IQCM: variants seen among roughly 807,000 people sequenced by gnomAD.
IQCM encodes IQ domain-containing protein M.
Under a neutral mutation model 57.6 loss-of-function variants are expected in IQCM, and 45 were observed. That is an observed-to-expected ratio of 0.78 (90% CI 0.62 to 1.00). IQCM has a LOEUF of 1.00. IQCM is among the 50% of genes least tolerant of loss of function. IQCM has a pLI of 0.00. For missense variants in IQCM, 468 were observed against 511.6 expected (o/e 0.91, Z 0.82); for synonymous variants, 148 against 158.9 (o/e 0.93, Z 0.51).
chr4:149,722,333 G>A (rs749876506), intron 5 of IQCM, among the ~76,000 whole-genome samples: 1 of 151,584 alleles, frequency 6.6e-6, no homozygotes, highest in Non-Finnish European at 1.5e-5. Context: ...TTTTTGTTGA[G>A]TTTTCTTTTG....
At chr4:149,368,627 G>T (rs371142195) in intron 13 of IQCM, among the ~76,000 whole-genome samples, 1 of 150,606 alleles carries the variant, frequency 6.6e-6, no homozygotes, top group South Asian at 2.1e-4. Flanking sequence ...CAATTTTAGG[G>T]CTTTGAATTT....
At chr4:149,395,571 G>A (rs1212263935) in intron 13 of IQCM, among the ~76,000 whole-genome samples, 1 of 152,010 alleles carries the variant, frequency 6.6e-6, no homozygotes, top group African/African-American at 2.4e-5. Flanking sequence ...ATCCCAAAGG[G>A]TTATGTGTTG....
At chr4:149,414,131 C>A (rs1413366619) in intron 13 of IQCM, among the ~76,000 whole-genome samples, 2 of 152,072 alleles carry the variant, frequency 1.3e-5, no homozygotes, top group Non-Finnish European at 2.9e-5. Context: ...ATATTTTAAA[C>A]CCGTCTTATT....
In IQCM at chr4:149,553,235, A is replaced by G; in HGVS notation, c.1001T>C (p.Leu334Pro). ...ACGTCGATATCTAACACGGTGGATT[A>G]GTCTGCCATACATGTTAATAACTGC... The part of the protein sequence containing the change: ...MKAVINMYGR[L>P]IHRVRYRRGL... The change falls in exon 11 of 14, where the codon CTA becomes CCA. Residue 334 changes from leucine (L) to proline (P), a missense_variant. Transcript: ENST00000636793. 1 of 1,231,890 alleles carries G rather than the reference A, an allele frequency of 8.1e-7. No individual in the cohort carries two copies. Among genetic ancestry groups the G allele is most frequent in the Non-Finnish European group, 1.0e-6 (1 of 987,754 alleles). The allele number at this position is 1,231,890 out of a possible 1,614,324, so 76.3% of individuals were successfully genotyped here.
chr4:149,471,061 G>T (rs903436133), intron 12 of IQCM, among the ~76,000 whole-genome samples: 2 of 151,768 alleles, frequency 1.3e-5, no homozygotes, highest in African/African-American at 4.8e-5. Context: ...TAAAAGAACT[G>T]GAGAAGCAAG....
At chr4:149,630,594 T>C (rs1757180788) in intron 7 of IQCM, among the ~76,000 whole-genome samples, 1 of 152,182 alleles carries the variant, frequency 6.6e-6, no homozygotes, top group Admixed American at 6.5e-5. Context: ...TATTCCAAGT[T>C]TATCGTGTAT....
At chr4:149,551,619 TGTG>T (rs1749035080) in intron 11 of IQCM, among the ~76,000 whole-genome samples, 1 of 152,054 alleles carries the variant, frequency 6.6e-6, no homozygotes, top group Admixed American at 6.6e-5. Context: ...GAAAAGAAAA[TGTG>T]GTCAGTGTAA....
intron 12 of IQCM, among the ~76,000 whole-genome samples, chr4:149,460,037 G>A (rs575652822): frequency 3.3e-5 from 5 of 152,010 alleles, no homozygotes; most frequent in African/African-American, 7.2e-5. Context: ...TCCCACCAAC[G>A]GTACACAAGG....
intron 13 of IQCM, among the ~76,000 whole-genome samples, chr4:149,377,320 C>A (rs1246270005): frequency 5.3e-5 from 8 of 152,098 alleles, no homozygotes; most frequent in Non-Finnish European, 1.2e-4. Flanking sequence ...TTACGATAAA[C>A]AAAACATTTC....
At chr4:149,777,352 G>A (rs933009149) in intron 2 of IQCM, among the ~76,000 whole-genome samples, 7 of 152,270 alleles carry the variant, frequency 4.6e-5, no homozygotes, top group Admixed American at 2.6e-4. Flanking sequence ...AAAAGGATGC[G>A]TATGTGTTTT....
At chr4:149,512,329 G>A (rs917016362) in intron 12 of IQCM, among the ~76,000 whole-genome samples, 22 of 152,092 alleles carry the variant, frequency 1.4e-4, no homozygotes, top group Non-Finnish European at 8.8e-5. Flanking sequence ...AGAAATTGGG[G>A]ATTTCAGCAC....
intron 13 of IQCM, among the ~76,000 whole-genome samples, chr4:149,421,772 A>T (rs1422719117): frequency 1.2e-4 from 19 of 152,060 alleles, no homozygotes; most frequent in Admixed American, 1.2e-3. Flanking sequence ...TAAGGAAAAA[A>T]GACAAGTATG....
intron 9 of IQCM, among the ~76,000 whole-genome samples, chr4:149,575,403 TAAAACCTGTTC>T (rs935270562): frequency 2.0e-5 from 3 of 151,940 alleles, no homozygotes; most frequent in African/African-American, 7.2e-5. Context: ...TTCACGCTAG[TAAAACCTGTTC>T]ACTTCAAAAA....
At chr4:149,499,436 AT>A (rs1743011986) in intron 12 of IQCM, among the ~76,000 whole-genome samples, 1 of 152,224 alleles carries the variant, frequency 6.6e-6, no homozygotes, top group South Asian at 2.1e-4. Flanking sequence ...GTAAAGGAGA[AT>A]GTAAACATAG....
chr4:149,742,117 C>G (rs893528357), intron 3 of IQCM, among the ~76,000 whole-genome samples: 4 of 151,996 alleles, frequency 2.6e-5, no homozygotes, highest in Admixed American at 2.6e-4. Flanking sequence ...ATTACCACTT[C>G]AACATTAATC....
At chr4:149,464,113 A>G (rs1303643836) in intron 12 of IQCM, among the ~76,000 whole-genome samples, 2 of 152,148 alleles carry the variant, frequency 1.3e-5, no homozygotes, top group African/African-American at 2.4e-5. Context: ...CTTACTGTAT[A>G]TGTAATTCTG....
At chr4:149,445,436 G>C (rs2111362104) in intron 12 of IQCM, among the ~76,000 whole-genome samples, 1 of 151,736 alleles carries the variant, frequency 6.6e-6, no homozygotes, top group South Asian at 2.1e-4. Flanking sequence ...GATACTCCAG[G>C]TATATAATTT....
chr4:149,678,355 C>T (rs896501391), intron 7 of IQCM, among the ~76,000 whole-genome samples: 1 of 151,766 alleles, frequency 6.6e-6, no homozygotes, highest in Non-Finnish European at 1.5e-5. Flanking sequence ...ATCATACATG[C>T]CAGGAGAAAA....
At chr4:149,647,425 C>T (rs985305279) in intron 7 of IQCM, among the ~76,000 whole-genome samples, 1 of 151,534 alleles carries the variant, frequency 6.6e-6, no homozygotes, top group Non-Finnish European at 1.5e-5. Flanking sequence ...TATTTATCTA[C>T]TTTGTCTTTA....
Sources: gnomAD v4.1 joint callset for allele counts (sites outside exome capture counted in the v4.1 genomes callset) on GRCh38, gnomAD v4.1.1 for gene constraint, MANE v1.5 for transcripts, NCBI Gene and HGNC (gene_info 2026-07-23, HGNC 2026-07-21) for gene names.